PHF14: variants seen among roughly 807,000 people sequenced by gnomAD.
PHF14 encodes the protein PHD finger protein 14.
In PHF14, 55 loss-of-function variants were observed where a neutral mutation model predicts 117.9. The observed-to-expected ratio is 0.47, with a 90% CI of 0.38 to 0.58. The LOEUF (loss-of-function observed/expected upper bound fraction) is 0.58. PHF14 is among the 20% of genes least tolerant of loss of function. PHF14 has a pLI of 0.00. For synonymous variants in PHF14, 409 were observed against 368.6 expected (o/e 1.11, Z -1.26); for missense variants, 978 against 1,122.2 (o/e 0.87, Z 1.84).
chr7:11,132,170 A>G (rs969515918), intron 17 of PHF14, among the ~76,000 whole-genome samples: 1 of 151,748 alleles, frequency 6.6e-6, no homozygotes, highest in African/African-American at 2.4e-5. Context: ...GCATACCTGT[A>G]GCCCTCATAT....
intron 16 of PHF14, among the ~76,000 whole-genome samples, chr7:11,096,475 C>G (rs1360832253): frequency 7.2e-5 from 11 of 152,056 alleles, no homozygotes; most frequent in African/African-American, 2.2e-4. Flanking sequence ...TTTTTGAATG[C>G]TAATACAGAC....
At chr7:11,106,850 T>C (rs1787282648) in intron 16 of PHF14, 14 of 984,152 alleles carry the variant, frequency 1.4e-5, no homozygotes, top group Admixed American at 6.2e-5. Flanking sequence ...CATAATAGTC[T>C]ATATTTTCAG....
rs375166963 is a variant in PHF14, at chr7:11,150,202, T to C, written c.2773-19214T>C. Among the ~76,000 whole-genome samples, 13 of 152,202 alleles carry C rather than the reference T, an allele frequency of 8.5e-5. No individual in the cohort carries two copies. The East Asian group carries it at 2.5e-3, about 29-fold the overall frequency. On this transcript the variant is annotated intron_variant, in intron 17 of 17. Transcript: ENST00000634607. ...TAAGAAGGAAGGGAGGAGAATGGGA[T>C]GGGGAAAGAACATCCAAGAGAGCTA... is the stretch of plus-strand genomic sequence containing the variant.
intron 2 of PHF14, among the ~76,000 whole-genome samples, chr7:10,976,051 G>C (rs561888410): frequency 6.6e-6 from 1 of 152,098 alleles, no homozygotes; most frequent in East Asian, 1.9e-4. Context: ...AGGTAACAGG[G>C]GTATTGAGTT....
At chr7:11,083,573 G>C (rs1398784604) in intron 16 of PHF14, among the ~76,000 whole-genome samples, 7 of 147,100 alleles carry the variant, frequency 4.8e-5, no homozygotes, top group African/African-American at 1.8e-4. Flanking sequence ...CAGTTCTCCT[G>C]CCTCAGCCTC....
chr7:11,091,135 G>A (rs1786627252), intron 16 of PHF14, among the ~76,000 whole-genome samples: 1 of 152,186 alleles, frequency 6.6e-6, no homozygotes. Flanking sequence ...GGCAGCTGGA[G>A]GAAGACCAGT....
intron 17 of PHF14, among the ~76,000 whole-genome samples, chr7:11,131,600 A>G (rs1329566283): frequency 1.3e-5 from 2 of 151,900 alleles, no homozygotes; most frequent in East Asian, 1.9e-4. Flanking sequence ...GCAAAATATT[A>G]TCACTGTTTT....
intron 17 of PHF14, among the ~76,000 whole-genome samples, chr7:11,113,162 G>A (rs55993437): frequency 0.014 from 2,136 of 151,780 alleles, 46 homozygotes; most frequent in African/African-American, 0.049. Context: ...ATACCTTTTT[G>A]CATATATTCT....
At chr7:11,069,370 C>T (rs1273251574) in intron 16 of PHF14, among the ~76,000 whole-genome samples, 3 of 151,920 alleles carry the variant, frequency 2.0e-5, no homozygotes, top group Admixed American at 1.3e-4. Context: ...GTACTGAGTC[C>T]GCATGGAGAA....
intron 13 of PHF14, among the ~76,000 whole-genome samples, chr7:11,048,429 A>G (rs1353670137): frequency 6.6e-6 from 1 of 152,032 alleles, no homozygotes; most frequent in Admixed American, 6.6e-5. Context: ...AAAATTAGCC[A>G]GGCATGGTGG....
intron 16 of PHF14, among the ~76,000 whole-genome samples, chr7:11,097,066 GCCTC>G (rs1786902399): frequency 7.2e-6 from 1 of 139,348 alleles, no homozygotes; most frequent in South Asian, 2.2e-4. Context: ...TGCAACCTCT[GCCTC>G]CCAGGTTCAG....
intron 17 of PHF14, among the ~76,000 whole-genome samples, chr7:11,120,799 G>T (rs1022871388): frequency 6.6e-6 from 1 of 151,958 alleles, no homozygotes. Context: ...AGAAACTAAA[G>T]GTTTGTTTTG....
chr7:11,057,684 A>G (rs967042075), intron 14 of PHF14, among the ~76,000 whole-genome samples: 4 of 152,158 alleles, frequency 2.6e-5, no homozygotes, highest in African/African-American at 9.7e-5. Context: ...TGAATAAACT[A>G]TTTAAAAGTT....
intron 16 of PHF14, among the ~76,000 whole-genome samples, chr7:11,076,881 T>TTG (rs1344912858): frequency 1.3e-5 from 2 of 151,390 alleles, no homozygotes; most frequent in African/African-American, 4.8e-5. Context: ...AAATATGGTT[T>TTG]TTTTTTTTTT....
intron 17 of PHF14, among the ~76,000 whole-genome samples, chr7:11,161,410 T>C (rs1327314192): frequency 6.6e-6 from 1 of 152,082 alleles, no homozygotes; most frequent in Non-Finnish European, 1.5e-5. Flanking sequence ...CTTATATTAA[T>C]GAATAAGTAA....
At chr7:11,035,844 A>T in intron 8 of PHF14, 58 bp downstream of exon 8, 1 of 1,377,866 alleles carries the variant, frequency 7.3e-7, no homozygotes, top group Non-Finnish European at 1.0e-6. Flanking sequence ...TAAGGATTTT[A>T]CGTCTCGTGT....
intron 4 of PHF14, among the ~76,000 whole-genome samples, chr7:10,995,918 TC>T (rs1346186039): frequency 1.3e-5 from 2 of 151,732 alleles, no homozygotes; most frequent in Non-Finnish European, 2.9e-5. Context: ...CCTCCACACC[TC>T]CCCGCAAGCT....
At chr7:10,976,881 A>T (rs1445950478) in intron 2 of PHF14, among the ~76,000 whole-genome samples, 2 of 149,292 alleles carry the variant, frequency 1.3e-5, no homozygotes, top group African/African-American at 5.0e-5. Flanking sequence ...CCCCCTGGGG[A>T]GCTTAAATTT....
intron 4 of PHF14, among the ~76,000 whole-genome samples, chr7:10,995,866 C>T (rs755843668): frequency 7.2e-5 from 11 of 152,204 alleles, no homozygotes; most frequent in Non-Finnish European, 8.8e-5. Context: ...CGCGCTGGCC[C>T]GCAAGCGCCT....
Sources: gnomAD v4.1 joint callset for allele counts (sites outside exome capture counted in the v4.1 genomes callset) on GRCh38, gnomAD v4.1.1 for gene constraint, MANE v1.5 for transcripts, NCBI Gene and HGNC (gene_info 2026-07-23, HGNC 2026-07-21) for gene names.